The following MMP16 variants were observed in gnomAD, a reference collection of about 807,000 sequenced individuals.
MMP16 encodes the protein matrix metallopeptidase 16.
A neutral mutation model predicts 67.8 loss-of-function variants in MMP16; 12 were observed. The observed-to-expected ratio is 0.18, with a 90% CI of 0.11 to 0.29. The LOEUF is 0.29. Ranked by LOEUF, MMP16 falls within the 10% of genes least tolerant of loss-of-function variation. The pLI is 1.00. For synonymous variants in MMP16, 249 were observed against 255.9 expected (o/e 0.97, Z 0.26); for missense variants, 475 against 765.7 (o/e 0.62, Z 4.48).
chr8:88,237,043 C>T (rs1186575786), intron 1 of MMP16, among the ~76,000 whole-genome samples: 1 of 152,082 alleles, frequency 6.6e-6, no homozygotes, highest in Non-Finnish European at 1.5e-5. Context: ...GTTAAATCTC[C>T]GCAACTGCTC....
chr8:88,131,627 C>T (rs950196054), intron 4 of MMP16, among the ~76,000 whole-genome samples: 16 of 151,660 alleles, frequency 1.1e-4, no homozygotes, highest in Non-Finnish European at 1.6e-4. Flanking sequence ...CTTTATTGGT[C>T]GAAATCCTAA....
At chr8:88,228,502 G>C (rs1036361527) in intron 1 of MMP16, among the ~76,000 whole-genome samples, 10 of 152,082 alleles carry the variant, frequency 6.6e-5, no homozygotes, top group Middle Eastern at 3.4e-3. Context: ...TGTTACCAAT[G>C]ACAATAAAAA....
At chr8:88,294,054 A>G (rs1195145610) in intron 1 of MMP16, among the ~76,000 whole-genome samples, 1 of 152,078 alleles carries the variant, frequency 6.6e-6, no homozygotes, top group African/African-American at 2.4e-5. Context: ...CTGAAACTTG[A>G]TATGTGGAGA....
At chr8:88,285,027 A>T (rs141672002) in intron 1 of MMP16, among the ~76,000 whole-genome samples, 1 of 152,276 alleles carries the variant, frequency 6.6e-6, no homozygotes, top group African/African-American at 2.4e-5. Context: ...TTTCCCCCAT[A>T]ACAGCATTTA....
chr8:88,157,877 T>C (rs1006229522), intron 4 of MMP16, among the ~76,000 whole-genome samples: 1 of 148,944 alleles, frequency 6.7e-6, no homozygotes, highest in Admixed American at 6.9e-5. Context: ...TGTGTCCAAG[T>C]GTTCTCATTG....
chr8:88,155,572 C>G (rs568651186), intron 4 of MMP16, among the ~76,000 whole-genome samples: 10 of 152,224 alleles, frequency 6.6e-5, no homozygotes, highest in African/African-American at 2.4e-4. Flanking sequence ...TTTTCCTACT[C>G]TTCCACCATC....
chr8:88,226,083 T>TA (rs1475602806), intron 1 of MMP16, among the ~76,000 whole-genome samples: 1 of 151,878 alleles, frequency 6.6e-6, no homozygotes, highest in Admixed American at 6.6e-5. Flanking sequence ...TCATGGCAAC[T>TA]AACAAATAGA....
chr8:88,067,680 CTT>C (rs1362804773), intron 7 of MMP16, among the ~76,000 whole-genome samples: 9 of 152,094 alleles, frequency 5.9e-5, no homozygotes, highest in African/African-American at 9.7e-5. Context: ...AGTATGTACT[CTT>C]GTTTTGTCTG....
intron 7 of MMP16, among the ~76,000 whole-genome samples, chr8:88,074,132 C>T (rs1808606411): frequency 6.6e-6 from 1 of 152,146 alleles, no homozygotes; most frequent in African/African-American, 2.4e-5. Flanking sequence ...TTTCATGATA[C>T]TGATAATTGG....
At chr8:88,279,019 C>T (rs907450419) in intron 1 of MMP16, among the ~76,000 whole-genome samples, 2 of 151,978 alleles carry the variant, frequency 1.3e-5, no homozygotes, top group African/African-American at 2.4e-5. Context: ...GTCAAGAGAT[C>T]GAGACCATCC....
chr8:88,087,565 C>T (rs1808855266), intron 6 of MMP16, among the ~76,000 whole-genome samples: 1 of 151,812 alleles, frequency 6.6e-6, no homozygotes, highest in Non-Finnish European at 1.5e-5. Flanking sequence ...CATGTTCTTT[C>T]TCACCAGAAT....
At chr8:88,255,817 C>G (rs528134064) in intron 1 of MMP16, among the ~76,000 whole-genome samples, 64 of 152,272 alleles carry the variant, frequency 4.2e-4, no homozygotes, top group South Asian at 1.0e-3. Flanking sequence ...TCTGATTTTT[C>G]CCCCACTAAG....
intron 1 of MMP16, among the ~76,000 whole-genome samples, chr8:88,211,683 T>TC (rs901115261): frequency 6.6e-6 from 1 of 152,162 alleles, no homozygotes; most frequent in African/African-American, 2.4e-5. Context: ...CTCTTTTACT[T>TC]ATACTTGAAT....
At chr8:88,177,891 C>G (rs1371664142) in intron 3 of MMP16, among the ~76,000 whole-genome samples, 1 of 151,540 alleles carries the variant, frequency 6.6e-6, no homozygotes, top group African/African-American at 2.4e-5. Context: ...AACAGGGCTC[C>G]ACTATATTAT....
intron 1 of MMP16, among the ~76,000 whole-genome samples, chr8:88,217,357 T>C (rs1293085625): frequency 1.3e-5 from 2 of 152,088 alleles, no homozygotes; most frequent in Non-Finnish European, 2.9e-5. Context: ...ACAGACATAC[T>C]CACATATACA....
chr8:88,304,254 A>G (rs1811178038), intron 1 of MMP16, among the ~76,000 whole-genome samples: 1 of 152,200 alleles, frequency 6.6e-6, no homozygotes, highest in Non-Finnish European at 1.5e-5. Context: ...AGAAAAAAGA[A>G]TGAAAAGGAG....
chr8:88,268,111 G>A lies in MMP16; in HGVS notation c.132+58964C>T, dbSNP rs574523819. Among the ~76,000 whole-genome samples, 5 of 152,322 alleles carry A rather than the reference G, an allele frequency of 3.3e-5. No individual in the cohort carries two copies. The South Asian group carries it at 1.0e-3, about 32-fold the overall frequency. On this transcript the variant is annotated intron_variant, in intron 1 of 9. Transcript: ENST00000286614. ...TAATCCCAGCATTTTGGGAGGCCAA[G>A]GTGGGTGGATTGCCTGAGGTCAGGA...
intron 4 of MMP16, among the ~76,000 whole-genome samples, chr8:88,144,025 T>G (rs1272419626): frequency 6.6e-6 from 1 of 151,934 alleles, no homozygotes; most frequent in Non-Finnish European, 1.5e-5. Context: ...TAAAATTTTG[T>G]CAATAAACTG....
In MMP16 at chr8:88,063,716, G is replaced by C. The variant is rs146594956; in HGVS notation, c.1223-7438C>G. On this transcript the variant is annotated intron_variant, in intron 7 of 9. Transcript: ENST00000286614. The stretch of plus-strand genomic sequence containing the variant: ...CCAGGTGCTAATGGGTTTTTACTGC[G>C]GTCCAGGCCTCTTGATTCAGTGCTT... Among the ~76,000 whole-genome samples the C allele has an allele frequency of 7.7e-4, 117 of 151,972 alleles. 2 individuals carry two copies. Among genetic ancestry groups the C allele is most frequent in the Non-Finnish European group, 9.9e-4 (67 of 67,944 alleles).
Sources: allele counts gnomAD v4.1 joint callset (sites outside exome capture counted in the v4.1 genomes callset), GRCh38; gene constraint gnomAD v4.1.1; transcripts MANE v1.5; gene names NCBI Gene and HGNC (gene_info 2026-07-23, HGNC 2026-07-21).